TEX19: variants seen among roughly 807,000 people sequenced by gnomAD.
TEX19 encodes testis-expressed protein 19.
For synonymous variants in TEX19, 77 were observed against 73.9 expected (o/e 1.04, Z -0.21); for missense variants, 184 against 194.4 (o/e 0.95, Z 0.32).
rs368255921 is a variant in TEX19 at position 82,362,472 on chromosome 17, G to A, written c.322G>A (p.Glu108Lys). ...WGPGTLAAAP[E>K]GLEDAGLDPH... ...GCCAGGGACCCTGGCAGCAGCCCCA[G>A]AAGGGTTGGAAGATGCAGGTCTGGA... The change falls in exon 2 of 2, where the codon GAA becomes AAA. Residue 108 changes from glutamate (E) to lysine (K), a missense_variant. Physicochemically the swap from Glu to Lys is moderately conservative, Grantham distance 56 (BLOSUM62 1). Coordinates refer to ENST00000333437, the MANE Select transcript of TEX19 (RefSeq NM_207459.4). This position sits in a 1 kb window ranked among gnomAD's most constrained non-coding sequence, Gnocchi z 5.5. The A allele has an allele frequency of 5.0e-6, 8 of 1,612,850 alleles. No homozygotes were observed. The African/African-American group carries it at 6.7e-5, about 13-fold the overall frequency.
In TEX19 at chr17:82,362,640, T is replaced by C. The variant is rs755883987; in HGVS notation, c.490T>C (p.Ser164Pro). Reference sequence around the variant, plus strand: ...CTCACACTGGCCAAGCTTCTTTCCTTCATAGCAGGGGTTTCTCAAAGTGGA... The same window carrying C: ...CTCACACTGGCCAAGCTTCTTTCCTCCATAGCAGGGGTTTCTCAAAGTGGA... ...TCSHWPSFFP[S>P] The change falls in exon 2 of 2, where the codon TCA becomes CCA. Residue 164 changes from serine (S) to proline (P), a missense_variant. By Grantham distance (74) the Ser-to-Pro change is moderately conservative. Coordinates refer to ENST00000333437, the MANE Select transcript of TEX19 (RefSeq NM_207459.4). The surrounding 1 kb of genome is among the most constrained non-coding windows in gnomAD (Gnocchi z 5.5). 5 of 1,539,890 alleles carry C rather than the reference T, an allele frequency of 3.2e-6. No homozygotes were observed. Among genetic ancestry groups the C allele is most frequent in the Middle Eastern group, 1.8e-4 (1 of 5,684 alleles).
At chr17:82,360,292 T>G (rs866227376) in intron 1 of TEX19, among the ~76,000 whole-genome samples, 15 of 97,158 alleles carry the variant, frequency 1.5e-4, no homozygotes, top group African/African-American at 3.1e-4. Flanking sequence ...TTTCCCCCAG[T>G]TTCCCTCAGG....
In TEX19 at chr17:82,362,652, T is replaced by C; in HGVS notation, c.*7T>C. The C allele has an allele frequency of 6.5e-7, 1 of 1,528,978 alleles. No individual in the cohort carries two copies. Among genetic ancestry groups the C allele is most frequent in the Non-Finnish European group, 8.7e-7 (1 of 1,142,974 alleles). The allele number at this position is 1,528,978 out of a possible 1,614,324, so 94.7% of individuals were successfully genotyped here. On this transcript the variant is annotated 3_prime_UTR_variant, in exon 2 of 2. Coordinates refer to ENST00000333437, the MANE Select transcript of TEX19 (RefSeq NM_207459.4). This position sits in a 1 kb window ranked among gnomAD's most constrained non-coding sequence, Gnocchi z 5.5. Reference sequence around the variant, plus strand: ...AAGCTTCTTTCCTTCATAGCAGGGGTTTCTCAAAGTGGACCTGCCCCCAGG... The same window carrying C: ...AAGCTTCTTTCCTTCATAGCAGGGGCTTCTCAAAGTGGACCTGCCCCCAGG...
Position 82,362,282 on chromosome 17 carries a change from C to T in TEX19, c.132C>T (p.Asp44=). ...CCTGCTTCAAGGCTGCCTTTCTAGA[C>T]TTTAAAGACTTGCTGGAGTCAGAGG... ...CFTCFKAAFL[D]FKDLLESEDW... Residue 44 remains aspartate (D), a synonymous_variant, in exon 2 of 2, where the codon GAC becomes GAT. Coordinates refer to ENST00000333437, the MANE Select transcript of TEX19 (RefSeq NM_207459.4). The surrounding 1 kb of genome is among the most constrained non-coding windows in gnomAD (Gnocchi z 5.5). 6.2e-7 allele frequency: 1 copy of T among 1,614,030 alleles called. No individual in the cohort carries two copies. Among genetic ancestry groups the T allele is most frequent in the Non-Finnish European group, 8.5e-7 (1 of 1,179,994 alleles).
Position 82,362,503 on chromosome 17 carries a change from A to G in TEX19, c.353A>G (p.His118Arg). Residue 118 changes from histidine to arginine, a missense_variant, in exon 2 of 2, where the codon CAC (histidine) becomes CGC (arginine). Coordinates refer to ENST00000333437, the MANE Select transcript of TEX19 (RefSeq NM_207459.4). This position sits in a 1 kb window ranked among gnomAD's most constrained non-coding sequence, Gnocchi z 5.5. ...TTGGAAGATGCAGGTCTGGACCCCC[A>G]CTTTGTCCCCACTGAACTATGGCCT... Reference protein sequence around the residue: ...EGLEDAGLDPHFVPTELWPQE... With the variant: ...EGLEDAGLDPRFVPTELWPQE... 2 of 1,612,868 alleles carry G rather than the reference A, an allele frequency of 1.2e-6. No homozygotes were observed. The highest frequency in any genetic ancestry group is 1.7e-6 in the Non-Finnish European group (2 of 1,179,946).
At chr17:82,359,665 C>T (rs2052361994) in intron 1 of TEX19, among the ~76,000 whole-genome samples, 1 of 148,168 alleles carries the variant, frequency 6.7e-6, no homozygotes, top group African/African-American at 2.5e-5. Flanking sequence ...CCCCCAGTTT[C>T]CCTCAGGTTC....
chr17:82,359,754 TTTCCCCCAGCTTCCCTCAGG>T (rs2052363769), intron 1 of TEX19, among the ~76,000 whole-genome samples: 1 of 122,082 alleles, frequency 8.2e-6, no homozygotes, highest in Admixed American at 8.1e-5. Context: ...GTTCCCTCAG[TTTCCCCCAGCTTCCCTCAGG>T]TTCCCTCAGT....
chr17:82,360,464 T>G (rs2052376871), intron 1 of TEX19, among the ~76,000 whole-genome samples: 1 of 119,108 alleles, frequency 8.4e-6, no homozygotes, highest in Non-Finnish European at 1.7e-5. Context: ...TTCCCTCAAG[T>G]TTCCCTCAGG....
chr17:82,362,531 G>A lies in TEX19; in HGVS notation c.381G>A (p.Gln127=). Reference sequence around the variant, plus strand: ...TTGTCCCCACTGAACTATGGCCTCAGGAGGCTGTGCCCCTGGGCCTGGGCC... The same window carrying A: ...TTGTCCCCACTGAACTATGGCCTCAAGAGGCTGTGCCCCTGGGCCTGGGCC... The part of the protein sequence containing the change: ...PHFVPTELWP[Q]EAVPLGLGLE... Residue 127 remains glutamine, a synonymous_variant, in exon 2 of 2, where the codon CAG becomes CAA. Coordinates refer to ENST00000333437, the MANE Select transcript of TEX19 (RefSeq NM_207459.4). This position sits in a 1 kb window ranked among gnomAD's most constrained non-coding sequence, Gnocchi z 5.5. 6.2e-7 allele frequency: 1 copy of A among 1,612,884 alleles called. No homozygotes were observed. Among genetic ancestry groups the A allele is most frequent in the Non-Finnish European group, 8.5e-7 (1 of 1,179,920 alleles).
rs141219054 is a variant in TEX19, at chr17:82,362,219, T to A, written c.69T>A (p.Tyr23Ter). The stretch of plus-strand genomic sequence containing the variant: ...CCTACCTCTACGCCTCCTGGATGTA[T>A]CAGCTTCAACATGGAGATCAGCTAA... ...GMSYLYASWMYQLQHGDQLSI... is the reference protein window; with the variant it reads ...GMSYLYASWM Residue 23 changes from tyrosine to a stop codon, truncating the protein, a stop_gained, in exon 2 of 2, where the codon TAT (tyrosine) becomes TAA (stop). Transcript: ENST00000333437. LOFTEE classifies it low-confidence loss of function (END_TRUNC). The surrounding 1 kb of genome is among the most constrained non-coding windows in gnomAD (Gnocchi z 5.5). 6.2e-7 allele frequency: 1 copy of A among 1,613,812 alleles called. No individual in the cohort carries two copies. The highest frequency in any genetic ancestry group is 8.5e-7 in the Non-Finnish European group (1 of 1,180,018).
intron 1 of TEX19, 45 bp from the exon 2 acceptor site, chr17:82,361,835 C>G (rs2052397332): frequency 1.9e-6 from 2 of 1,054,058 alleles, no homozygotes; most frequent in South Asian, 5.1e-5. Flanking sequence ...TTGCCCCCAC[C>G]CTGCCTGCTG....
Position 82,362,721 on chromosome 17 carries a change from C to T in TEX19, c.*76C>T, listed in dbSNP as rs1195066390. ...GCTGGGCATTACCTGGGCAGTGGAC[C>T]CTGCCGAGGCTGAGGCCTAGTTACT... On this transcript the variant is annotated 3_prime_UTR_variant, in exon 2 of 2. Coordinates refer to ENST00000333437, the MANE Select transcript of TEX19 (RefSeq NM_207459.4). The surrounding 1 kb of genome is among the most constrained non-coding windows in gnomAD (Gnocchi z 5.5). 3.3e-6 allele frequency: 5 copies of T among 1,493,104 alleles called. No homozygotes were observed. Among genetic ancestry groups the T allele is most frequent in the Non-Finnish European group, 4.5e-6 (5 of 1,119,816 alleles). The allele number at this position is 1,493,104 out of a possible 1,614,324, so 92.5% of individuals were successfully genotyped here. A position where few individuals can be genotyped will look rare whatever the true frequency, so the allele number is the denominator to read the frequency against.
Position 82,362,897 on chromosome 17 carries a change from C to A in TEX19, c.*252C>A. 2.1e-6 allele frequency: 1 copy of A among 478,660 alleles called. No individual in the cohort carries two copies. Among genetic ancestry groups the A allele is most frequent in the Admixed American group, 3.9e-5 (1 of 25,714 alleles). 29.7% of individuals were successfully genotyped at this position (478,660 alleles called of 1,614,324 possible). On this transcript the variant is annotated 3_prime_UTR_variant, in exon 2 of 2. Transcript: ENST00000333437. The surrounding 1 kb of genome is among the most constrained non-coding windows in gnomAD (Gnocchi z 5.5). ...GGGTGGTGAGACTCCAAGATGCACC[C>A]CAAGAGCAGGACCTGCACTGGTGGA...
chr17:82,361,563 C>G lies in TEX19; in HGVS notation c.-271-317C>G, dbSNP rs138527742. 161 of 902,944 alleles carry G rather than the reference C, an allele frequency of 1.8e-4. 2 individuals are homozygous for G. The African/African-American group carries it at 2.2e-3, about 12-fold the overall frequency. The allele number at this position is 902,944 out of a possible 1,614,324, so 55.9% of individuals were successfully genotyped here. A position where few individuals can be genotyped will look rare whatever the true frequency, so the allele number is the denominator to read the frequency against. On this transcript the variant is annotated intron_variant, in intron 1 of 1. Coordinates refer to ENST00000333437, the MANE Select transcript of TEX19 (RefSeq NM_207459.4). ...AGTTTCCCTCAGGTTCCCTCAGGTT[C>G]CCCCAGTTTCCTTCAGGTTCCCTCA... is the stretch of plus-strand genomic sequence containing the variant.
chr17:82,362,484 G>C lies in TEX19; in HGVS notation c.334G>C (p.Asp112His). The change falls in exon 2 of 2, where the codon GAT (aspartate) becomes CAT (histidine). Residue 112 changes from aspartate to histidine, a missense_variant. By Grantham distance (81) the Asp-to-His change is moderately conservative (BLOSUM62 -1). Transcript: ENST00000333437. The surrounding 1 kb of genome is among the most constrained non-coding windows in gnomAD (Gnocchi z 5.5). Reference sequence around the variant, plus strand: ...GGCAGCAGCCCCAGAAGGGTTGGAAGATGCAGGTCTGGACCCCCACTTTGT... The same window carrying C: ...GGCAGCAGCCCCAGAAGGGTTGGAACATGCAGGTCTGGACCCCCACTTTGT... Reference protein sequence around the residue: ...TLAAAPEGLEDAGLDPHFVPT... With the variant: ...TLAAAPEGLEHAGLDPHFVPT... 6.2e-7 allele frequency: 1 copy of C among 1,612,908 alleles called. No homozygotes were observed. The highest frequency in any genetic ancestry group is 8.5e-7 in the Non-Finnish European group (1 of 1,179,930).
In TEX19 at chr17:82,361,153, T is replaced by C. The variant is rs796685130; in HGVS notation, c.-271-727T>C. The stretch of plus-strand genomic sequence containing the variant: ...ATTTCCATCAGGTCCCCTCAGGCTC[T>C]GCCAGTTTCCCTCAGGTTCCCCCAG... On this transcript the variant is annotated intron_variant, in intron 1 of 1. Coordinates refer to ENST00000333437, the MANE Select transcript of TEX19 (RefSeq NM_207459.4). 6.6e-5 allele frequency among the ~76,000 whole-genome samples: 5 copies of C among 76,250 alleles called. No individual in the cohort carries two copies. In the South Asian group the frequency reaches 2.0e-3, roughly 31 times the overall value. The allele number at this position is 76,250 out of a possible 152,430, so 50.0% of individuals were successfully genotyped here.
In TEX19 at chr17:82,363,736, T is replaced by C. The variant is rs1041807142; in HGVS notation, c.*1091T>C. 6.0e-6 allele frequency: 1 copy of C among 166,950 alleles called. No homozygotes were observed. The highest frequency in any genetic ancestry group is 2.4e-5 in the African/African-American group (1 of 41,460). The allele number at this position is 166,950 out of a possible 1,614,324, so 10.3% of individuals were successfully genotyped here. On this transcript the variant is annotated 3_prime_UTR_variant, in exon 2 of 2. Coordinates refer to ENST00000333437, the MANE Select transcript of TEX19 (RefSeq NM_207459.4). ...CATTTAATTCCTGTTGCTCTATATGTTGTTTTTAATTTTAAAAAGTCATAA... is the reference window on the plus strand; with the variant it reads ...CATTTAATTCCTGTTGCTCTATATGCTGTTTTTAATTTTAAAAAGTCATAA...
rs1179154699 is a variant in TEX19, at chr17:82,362,374, G to C, written c.224G>C (p.Gly75Ala). 4 of 1,613,390 alleles carry C rather than the reference G, an allele frequency of 2.5e-6. No homozygotes were observed. Among genetic ancestry groups the C allele is most frequent in the Non-Finnish European group, 2.5e-6 (3 of 1,180,030 alleles). ...ACTGAGGCAGAGTCAGAGCAGGAGG[G>C]GTCCTCAGGGATGGAGCTGAGCTGG... The part of the protein sequence containing the change: ...EHTEAESEQE[G>A]SSGMELSWGQ... Residue 75 changes from glycine (G) to alanine (A), a missense_variant, in exon 2 of 2, where the codon GGG becomes GCG. Gly to Ala is a moderately conservative substitution (Grantham distance 60). Coordinates refer to ENST00000333437, the MANE Select transcript of TEX19 (RefSeq NM_207459.4). This position sits in a 1 kb window ranked among gnomAD's most constrained non-coding sequence, Gnocchi z 5.5.
intron 1 of TEX19, among the ~76,000 whole-genome samples, chr17:82,360,601 C>CCAGTTTCCCTCAGGTTCCCT (rs1599668356): frequency 9.0e-6 from 1 of 110,752 alleles, no homozygotes; most frequent in Non-Finnish European, 1.8e-5. Flanking sequence ...TCAGGTTCCC[C>CCAGTTTCCCTCAGGTTCCCT]CAGTTTCCCT....
Sources: gnomAD v4.1 joint callset for allele counts (sites outside exome capture counted in the v4.1 genomes callset) on GRCh38, gnomAD v4.1.1 for gene constraint, Gnocchi (gnomAD v3.1) non-coding constraint, MANE v1.5 for transcripts, NCBI Gene and HGNC (gene_info 2026-07-23, HGNC 2026-07-21) for gene names.